PIEZO2: variants seen among roughly 807,000 people sequenced by gnomAD.
PIEZO2 encodes the protein piezo-type mechanosensitive ion channel component 2.
PIEZO2 carries 172 observed loss-of-function variants against 337.3 expected under a neutral mutation model. The observed-to-expected ratio is 0.51, with a 90% CI of 0.45 to 0.58. PIEZO2 has a LOEUF of 0.58. Ranked by LOEUF, PIEZO2 falls within the 20% of genes least tolerant of loss-of-function variation. PIEZO2 has a pLI of 0.00. For missense variants in PIEZO2, 3,028 were observed against 3,391.3 expected (o/e 0.89, Z 2.66); for synonymous variants, 1,251 against 1,228.5 (o/e 1.02, Z -0.38).
In PIEZO2 at chr18:11,129,256, A is replaced by T. The variant is rs1204547570; in HGVS notation, c.64+19269T>A. On this transcript the variant is annotated intron_variant, in intron 1 of 55. Transcript: ENST00000674853. This position sits in a 1 kb window ranked among gnomAD's most constrained non-coding sequence, Gnocchi z 4.6. ...TCTTTGGAACCACAGTCACTCAACT[A>T]CAAAACTTAAATACAATGAGAATAA... Among the ~76,000 whole-genome samples the T allele has an allele frequency of 6.6e-6, 1 of 152,170 alleles. No individual in the cohort carries two copies. The highest frequency in any genetic ancestry group is 1.9e-4 in the East Asian group (1 of 5,188).
intron 2 of PIEZO2, among the ~76,000 whole-genome samples, chr18:11,040,018 A>G (rs2145802406): frequency 6.6e-6 from 1 of 152,266 alleles, no homozygotes; most frequent in South Asian, 2.1e-4. Context: ...CAGAAAGTCA[A>G]ATATACACCT....
Position 10,722,149 on chromosome 18 carries a change from CAAA to C in PIEZO2, c.5030-3893_5030-3891del, listed in dbSNP as rs57201451. Among the ~76,000 whole-genome samples, 1,030 of 125,404 alleles carry C rather than the reference CAAA, an allele frequency of 8.2e-3. 5 individuals carry two copies. Among genetic ancestry groups the C allele is most frequent in the African/African-American group, 0.027 (929 of 34,710 alleles). 82.3% of individuals were successfully genotyped at this position (125,404 alleles called of 152,430 possible). ...CTGGCAACAGAGCAAGACTCCATCT[CAAA>C]AAAAAAAAAAAAAATTAAGATGTAA... is the stretch of plus-strand genomic sequence containing the variant. On this transcript the variant is annotated intron_variant, in intron 36 of 55. Coordinates refer to ENST00000674853, the MANE Select transcript of PIEZO2 (RefSeq NM_001378183.1).
chr18:11,014,937 T>A (rs560411694), intron 2 of PIEZO2, among the ~76,000 whole-genome samples: 1 of 128,578 alleles, frequency 7.8e-6, no homozygotes, highest in Admixed American at 8.0e-5. Flanking sequence ...GGGGCCCCCC[T>A]CATTCCTCAG....
chr18:10,714,868 G>A lies in PIEZO2; in HGVS notation c.5319C>T (p.Ser1773=). The A allele has an allele frequency of 6.5e-7, 1 of 1,537,256 alleles. No homozygotes were observed. Among genetic ancestry groups the A allele is most frequent in the South Asian group, 1.2e-5 (1 of 84,064 alleles). ...CAATGGTGTCCAGTCCCGACTCTCTGGAAAGGTTCATGATGTGGTTCTGAT... is the reference window on the plus strand; with the variant it reads ...CAATGGTGTCCAGTCCCGACTCTCTAGAAAGGTTCATGATGTGGTTCTGAT... ...MYYQNHIMNL[S]RESGLDTIDE... is the part of the protein sequence containing the mutation. The change falls in exon 39 of 56, where the codon TCC becomes TCT. Residue 1773 remains serine (S), a synonymous_variant. Coordinates refer to ENST00000674853, the MANE Select transcript of PIEZO2 (RefSeq NM_001378183.1).
In PIEZO2 at chr18:10,859,955, G is replaced by A. The variant is rs1207078690; in HGVS notation, c.493-2744C>T. The stretch of plus-strand genomic sequence containing the variant: ...TTAGATTAGTAGGTGCAGCTAGGAA[G>A]TTTAAAGTGGGGAGGAAGGATAGAT... On this transcript the variant is annotated intron_variant, in intron 5 of 55. Transcript: ENST00000674853. This position sits in a 1 kb window ranked among gnomAD's most constrained non-coding sequence, Gnocchi z 4.9. Among the ~76,000 whole-genome samples, 2 of 152,164 alleles carry A rather than the reference G, an allele frequency of 1.3e-5. No individual in the cohort carries two copies. Among genetic ancestry groups the A allele is most frequent in the Non-Finnish European group, 2.9e-5 (2 of 68,034 alleles).
rs539302115 is a variant in PIEZO2, at chr18:11,128,560, T to A, written c.64+19965A>T. On this transcript the variant is annotated intron_variant, in intron 1 of 55. Transcript: ENST00000674853. This position sits in a 1 kb window ranked among gnomAD's most constrained non-coding sequence, Gnocchi z 4.1. ...TTCCCCATCCCCAGTAGCGGCAACA[T>A]CCCTTCCCAAACCACGCTGCCATCA... 2.0e-5 allele frequency among the ~76,000 whole-genome samples: 3 copies of A among 152,248 alleles called. No individual in the cohort carries two copies. Among genetic ancestry groups the A allele is most frequent in the Non-Finnish European group, 4.4e-5 (3 of 68,008 alleles).
chr18:10,977,001 ATGTG>A (rs59666101), intron 3 of PIEZO2, among the ~76,000 whole-genome samples: 1,796 of 142,896 alleles, frequency 0.013, 37 homozygotes, highest in African/African-American at 0.043. Context: ...AAGAACAAAT[ATGTG>A]TGTGTGTGTG....
At chr18:10,697,519 TTCAAATAGAAAAA>T (rs1250951945) in intron 45 of PIEZO2, among the ~76,000 whole-genome samples, 1 of 152,210 alleles carries the variant, frequency 6.6e-6, no homozygotes, top group Non-Finnish European at 1.5e-5. Context: ...ATTTACTCTG[TTCAAATAGAAAAA>T]GCATGTGCAT....
intron 1 of PIEZO2, among the ~76,000 whole-genome samples, chr18:11,108,456 A>T (rs2039635505): frequency 9.9e-6 from 1 of 100,728 alleles, no homozygotes; most frequent in Non-Finnish European, 2.0e-5. Context: ...TCTACTAAAA[A>T]TACAAAAAGT....
chr18:10,802,975 A>AG (rs2039877506), intron 9 of PIEZO2, among the ~76,000 whole-genome samples: 1 of 150,884 alleles, frequency 6.6e-6, no homozygotes, highest in East Asian at 1.9e-4. Context: ...CTGTTGCCAA[A>AG]AAAAAAAAAA....
rs73943212 is a variant in PIEZO2 at position 11,136,565 on chromosome 18, C to T, written c.64+11960G>A. On this transcript the variant is annotated intron_variant, in intron 1 of 55. Coordinates refer to ENST00000674853, the MANE Select transcript of PIEZO2 (RefSeq NM_001378183.1). ...CTGATTTTGGGCCCCAAGGCCAACA[C>T]GAGTCAGGATTAACTAAGCATGAGC... Among the ~76,000 whole-genome samples the T allele has an allele frequency of 6.7e-3, 1,026 of 152,332 alleles. 9 individuals are homozygous for T. The highest frequency in any genetic ancestry group is 0.023 in the African/African-American group (973 of 41,562).
chr18:10,985,962 G>A (rs371659009), intron 2 of PIEZO2, among the ~76,000 whole-genome samples: 15 of 152,010 alleles, frequency 9.9e-5, no homozygotes, highest in South Asian at 2.1e-4. Context: ...AAAAAATCCA[G>A]CTATACACTG....
In PIEZO2 at chr18:11,105,421, G is replaced by A. The variant is rs759687247; in HGVS notation, c.65-39199C>T. ...TATGGATATGTAATAGCTCAGAAACGCATTCCAGCACCTCACATCTTCATC... is the reference window on the plus strand; with the variant it reads ...TATGGATATGTAATAGCTCAGAAACACATTCCAGCACCTCACATCTTCATC... On this transcript the variant is annotated intron_variant, in intron 1 of 55. Transcript: ENST00000674853. This position sits in a 1 kb window ranked among gnomAD's most constrained non-coding sequence, Gnocchi z 4.3. 6.6e-6 allele frequency among the ~76,000 whole-genome samples: 1 copy of A among 152,072 alleles called. No individual in the cohort carries two copies. Among genetic ancestry groups the A allele is most frequent in the Non-Finnish European group, 1.5e-5 (1 of 68,032 alleles).
At chr18:10,928,702 A>G (rs536310479) in intron 3 of PIEZO2, among the ~76,000 whole-genome samples, 1 of 152,366 alleles carries the variant, frequency 6.6e-6, no homozygotes, top group Non-Finnish European at 1.5e-5. Flanking sequence ...ATCTAACATT[A>G]TAATAGCCAA....
chr18:10,980,899 G>T lies in PIEZO2; in HGVS notation c.161-1239C>A, dbSNP rs77298175. Reference sequence around the variant, plus strand: ...CCATAATCAAAGTGGTTAACTAAGGGAGACTATCCTCCATAACCTGGGAAG... The same window carrying T: ...CCATAATCAAAGTGGTTAACTAAGGTAGACTATCCTCCATAACCTGGGAAG... On this transcript the variant is annotated intron_variant, in intron 2 of 55. Coordinates refer to ENST00000674853, the MANE Select transcript of PIEZO2 (RefSeq NM_001378183.1). This position sits in a 1 kb window ranked among gnomAD's most constrained non-coding sequence, Gnocchi z 4.8. 2.0e-5 allele frequency among the ~76,000 whole-genome samples: 3 copies of T among 152,116 alleles called. No individual in the cohort carries two copies. The highest frequency in any genetic ancestry group is 4.8e-5 in the African/African-American group (2 of 41,424).
In PIEZO2 at chr18:11,130,699, T is replaced by C. The variant is rs117499591; in HGVS notation, c.64+17826A>G. Among the ~76,000 whole-genome samples, 501 of 152,288 alleles carry C rather than the reference T, an allele frequency of 3.3e-3. 11 individuals are homozygous for C. The East Asian group carries it at 0.076, about 23-fold the overall frequency. On this transcript the variant is annotated intron_variant, in intron 1 of 55. Coordinates refer to ENST00000674853, the MANE Select transcript of PIEZO2 (RefSeq NM_001378183.1). ...AGTACAATTTCTAGGGGTCCAGTGG[T>C]GTGGGGCCTGTCTAGATATTCCTTC...
rs1489961703 is a variant in PIEZO2 at position 10,861,492 on chromosome 18, A to G, written c.493-4281T>C. Reference sequence around the variant, plus strand: ...TAAAGAAGAATATGCTAATTGAAATAAGCCAGGCACAGAAAGACAAATACG... The same window carrying G: ...TAAAGAAGAATATGCTAATTGAAATGAGCCAGGCACAGAAAGACAAATACG... On this transcript the variant is annotated intron_variant, in intron 5 of 55. Transcript: ENST00000674853. The surrounding 1 kb of genome is among the most constrained non-coding windows in gnomAD (Gnocchi z 4.3). Among the ~76,000 whole-genome samples the G allele has an allele frequency of 6.6e-6, 1 of 152,230 alleles. No individual in the cohort carries two copies. Among genetic ancestry groups the G allele is most frequent in the Non-Finnish European group, 1.5e-5 (1 of 68,050 alleles).
At chr18:11,100,612 T>C (rs897096260) in intron 1 of PIEZO2, among the ~76,000 whole-genome samples, 2 of 152,202 alleles carry the variant, frequency 1.3e-5, no homozygotes, top group African/African-American at 4.8e-5. Context: ...TCTTTTTTTT[T>C]TGAGACGGAG....
chr18:10,966,420 C>T (rs926692358), intron 3 of PIEZO2, among the ~76,000 whole-genome samples: 10 of 152,178 alleles, frequency 6.6e-5, no homozygotes, highest in Admixed American at 3.3e-4. Context: ...ACTGTCAATC[C>T]CTCTTCCACA....
Sources: gnomAD v4.1 joint callset for allele counts (sites outside exome capture counted in the v4.1 genomes callset) on GRCh38, gnomAD v4.1.1 for gene constraint, Gnocchi (gnomAD v3.1) non-coding constraint, MANE v1.5 for transcripts, NCBI Gene and HGNC (gene_info 2026-07-23, HGNC 2026-07-21) for gene names.